The following CNTRL variants were observed in gnomAD, a reference collection of about 807,000 sequenced individuals.
The protein encoded by CNTRL is centriolin.
Under a neutral mutation model 303.7 loss-of-function variants are expected in CNTRL, and 233 were observed. The ratio of observed to expected loss-of-function variants is 0.77; its 90% CI spans 0.69 to 0.86. The LOEUF is 0.86. Ranked by LOEUF, CNTRL falls within the 40% of genes least tolerant of loss-of-function variation. The pLI is 0.00. For missense variants in CNTRL, 2,524 were observed against 2,650.6 expected, an observed-to-expected ratio of 0.95 and a Z score of 1.05; for synonymous variants, 900 against 922.2, an observed-to-expected ratio of 0.98 and a Z score of 0.44.
At chr9:121,146,751 C>T (rs768116000) in intron 23 of CNTRL, among the ~76,000 whole-genome samples, 3 of 152,134 alleles carry the variant, frequency 2.0e-5, no homozygotes, top group Admixed American at 6.5e-5. Context: ...ACAGACCTGA[C>T]CTGTATTCTC....
intron 7 of CNTRL, among the ~76,000 whole-genome samples, chr9:121,103,912 T>G (rs2049316088): frequency 6.6e-6 from 1 of 152,196 alleles, no homozygotes; most frequent in Non-Finnish European, 1.5e-5. Context: ...ATAGGAACAC[T>G]TTTACACTGT....
At chr9:121,103,976 A>G (rs570455120) in intron 7 of CNTRL, among the ~76,000 whole-genome samples, 10 of 152,340 alleles carry the variant, frequency 6.6e-5, no homozygotes, top group Non-Finnish European at 1.5e-5. Flanking sequence ...GTGATTCCTC[A>G]AGGATCTAGA....
chr9:121,118,301 GT>G (rs1179907274), intron 11 of CNTRL, 44 bp from the exon 12 acceptor site: 1 of 1,363,020 alleles, frequency 7.3e-7, no homozygotes, highest in South Asian at 1.9e-5. Context: ...ATAAATCAGT[GT>G]TGTTCTTCTC....
At position 121,137,065 on chromosome 9, in the gene CNTRL, A is replaced by G. The variant is rs557777759; in HGVS notation, c.2202+1083A>G. Among the ~76,000 whole-genome samples the G allele has an allele frequency of 8.7e-4, 133 of 152,326 alleles. 1 individual carries two copies. The highest frequency in any genetic ancestry group is 3.0e-3 in the African/African-American group (124 of 41,576). On this transcript the variant is annotated intron_variant, in intron 15 of 43. Transcript: ENST00000373855. ...ATAGTACATTTGAAGTGCTGAACGT[A>G]TGCCTCCAGGATGCCAGGAGCAGGG...
chr9:121,153,972 T>C (rs1361366360), intron 26 of CNTRL, among the ~76,000 whole-genome samples: 1 of 152,232 alleles, frequency 6.6e-6, no homozygotes, highest in Non-Finnish European at 1.5e-5. Flanking sequence ...ATGGAATTTT[T>C]TTACTTTGAG....
chr9:121,084,568 G>T (rs2048273139), intron 2 of CNTRL, among the ~76,000 whole-genome samples: 2 of 144,756 alleles, frequency 1.4e-5, no homozygotes, highest in African/African-American at 2.6e-5. Flanking sequence ...TTTGTGAGAT[G>T]GAGTCTCGCT....
rs552359494 is a variant in CNTRL at position 121,121,446 on chromosome 9, A to C, written c.1651-2485A>C. On this transcript the variant is annotated intron_variant, in intron 12 of 43. Coordinates refer to ENST00000373855, the MANE Select transcript of CNTRL (RefSeq NM_007018.6). ...GAGATTATTTTAAAATTAGCTCAGAACTAAGCCTAGGCAGGTTTTCAGCAA... is the reference window on the plus strand; with the variant it reads ...GAGATTATTTTAAAATTAGCTCAGACCTAAGCCTAGGCAGGTTTTCAGCAA... 1.4e-4 allele frequency among the ~76,000 whole-genome samples: 21 copies of C among 152,392 alleles called. 1 individual carries two copies. The South Asian group carries it at 3.9e-3, about 29-fold the overall frequency.
rs541940206 is a variant in CNTRL at position 121,081,071 on chromosome 9, CT to C, written c.-32+594del. Reference sequence around the variant, plus strand: ...TGAGGAAACTCAGCAACACCTACCTCTCCAGATTTCTCTTGGCCTCTCTGTG... The same window carrying C: ...TGAGGAAACTCAGCAACACCTACCTCCCAGATTTCTCTTGGCCTCTCTGTG... On this transcript the variant is annotated intron_variant, in intron 2 of 43. Transcript: ENST00000373855. 1.1e-4 allele frequency among the ~76,000 whole-genome samples: 17 copies of C among 152,326 alleles called. No individual in the cohort carries two copies. In the South Asian group the frequency reaches 3.5e-3, roughly 32 times the overall value.
chr9:121,093,930 G>A (rs943445070), intron 4 of CNTRL, among the ~76,000 whole-genome samples: 30 of 152,202 alleles, frequency 2.0e-4, no homozygotes, highest in Middle Eastern at 6.8e-3. Context: ...CTGACATGGT[G>A]AAACCCCATC....
chr9:121,150,403 G>A lies in CNTRL; in HGVS notation c.3883G>A (p.Gly1295Arg), dbSNP rs764076448. 6.2e-7 allele frequency: 1 copy of A among 1,614,108 alleles called. No homozygotes were observed. The highest frequency in any genetic ancestry group is 8.5e-7 in the Non-Finnish European group (1 of 1,180,022). Residue 1295 changes from glycine (G) to arginine (R), a missense_variant, in exon 25 of 44, where the codon GGG becomes AGG. Coordinates refer to ENST00000373855, the MANE Select transcript of CNTRL (RefSeq NM_007018.6). ...TCCTGCTGGGGCCCCCATGGTGTAT[G>A]GGCCTCCACCCCCCAACTTCTCCAT... Reference protein sequence around the residue: ...PPPAGAPMVYGPPPPNFSIPF... With the variant: ...PPPAGAPMVYRPPPPNFSIPF...
chr9:121,157,691 T>G (rs565048447), intron 28 of CNTRL, 49 bp from the exon 29 acceptor site: 1 of 1,607,012 alleles, frequency 6.2e-7, no homozygotes, highest in African/African-American at 1.3e-5. Flanking sequence ...TGATAAATAA[T>G]GCATGGTAAG....
At chr9:121,166,811 C>T (rs1180584902) in intron 36 of CNTRL, among the ~76,000 whole-genome samples, 5 of 151,990 alleles carry the variant, frequency 3.3e-5, no homozygotes, top group African/African-American at 4.8e-5. Context: ...CACCTGAAGT[C>T]GGGAGTTCAA....
At chr9:121,143,523 G>T (rs1424474484) in intron 19 of CNTRL, among the ~76,000 whole-genome samples, 1 of 152,122 alleles carries the variant, frequency 6.6e-6, no homozygotes, top group Non-Finnish European at 1.5e-5. Flanking sequence ...CCTCTGTTTA[G>T]ATCTCTCCAT....
chr9:121,105,896 T>C (rs938664017), intron 7 of CNTRL, among the ~76,000 whole-genome samples: 1 of 152,172 alleles, frequency 6.6e-6, no homozygotes, highest in Non-Finnish European at 1.5e-5. Context: ...ATGTCTCTTG[T>C]AGTACTTAAT....
chr9:121,101,817 C>T (rs1019222049), intron 7 of CNTRL, among the ~76,000 whole-genome samples: 1 of 152,122 alleles, frequency 6.6e-6, no homozygotes, highest in Non-Finnish European at 1.5e-5. Flanking sequence ...TGGATAAATT[C>T]CTGGACACAT....
In CNTRL at chr9:121,173,242, G is replaced by A. The variant is rs746257661; in HGVS notation, c.6418-1G>A. On this transcript the variant is annotated splice_acceptor_variant, in intron 40 of 43. Transcript: ENST00000373855. LOFTEE classifies it high-confidence loss of function. Reference sequence around the variant, plus strand: ...ATATTTGACACCAACTCACTGTTTAGATGGCAAACCAAAAAGATTTGGAGA... The same window carrying A: ...ATATTTGACACCAACTCACTGTTTAAATGGCAAACCAAAAAGATTTGGAGA... 4 of 1,605,390 alleles carry A rather than the reference G, an allele frequency of 2.5e-6. No individual in the cohort carries two copies. In the African/African-American group the frequency reaches 5.4e-5, roughly 22 times the overall value.
rs1350286702 is a variant in CNTRL, at chr9:121,162,186, T to C, written c.5338T>C (p.Ser1780Pro). The C allele has an allele frequency of 6.2e-7, 1 of 1,614,156 alleles. No individual in the cohort carries two copies. ...RMTAESRALQ[S>P]CVECLSKEKE... The stretch of plus-strand genomic sequence containing the variant: ...GACTGCTGAGTCCCGAGCTTTACAA[T>C]CGTGTGTTGAGTGTTTGAGCAAAGA... The change falls in exon 34 of 44, where the codon TCG becomes CCG. Residue 1780 changes from serine to proline, a missense_variant. By Grantham distance (74) the Ser-to-Pro change is moderately conservative. Transcript: ENST00000373855.
At chr9:121,111,144 A>C (rs1032446551) in intron 8 of CNTRL, 7 of 152,130 alleles carry the variant, frequency 4.6e-5, no homozygotes, top group African/African-American at 1.7e-4. Flanking sequence ...TGAAAATATC[A>C]ATGTGGGTAA....
chr9:121,144,202 CTGTT>C (rs2051696087), intron 20 of CNTRL, 120 bp downstream of exon 20: 2 of 881,048 alleles, frequency 2.3e-6, no homozygotes, highest in Admixed American at 6.1e-5. Flanking sequence ...GTAAAGTTGT[CTGTT>C]TTTCTTAAGA....
Sources: gnomAD v4.1 joint callset for allele counts (sites outside exome capture counted in the v4.1 genomes callset) on GRCh38, gnomAD v4.1.1 for gene constraint, MANE v1.5 for transcripts, NCBI Gene and HGNC (gene_info 2026-07-23, HGNC 2026-07-21) for gene names.